The following RAB40B variants were observed in gnomAD, a reference collection of about 807,000 sequenced individuals.
RAB40B encodes RAB40B, member RAS oncogene family, also known as ras-related protein Rab-40B.
Under a neutral mutation model 24.0 loss-of-function variants are expected in RAB40B, and 21 were observed. That is an observed-to-expected ratio of 0.88 (90% CI 0.62 to 1.26). RAB40B has a LOEUF of 1.26. Among genes scored for constraint, RAB40B ranks in the 50% most tolerant of loss-of-function variants. The pLI, the probability that RAB40B is intolerant of heterozygous loss-of-function variation, is 0.00. For synonymous variants in RAB40B, 167 were observed against 169.8 expected (o/e 0.98, Z 0.13); for missense variants, 348 against 390.5 (o/e 0.89, Z 0.92).
intron 1 of RAB40B, among the ~76,000 whole-genome samples, chr17:82,683,805 CAAAAAAAAAA>C (rs35145848): frequency 5.5e-5 from 5 of 90,800 alleles, no homozygotes; most frequent in African/African-American, 1.6e-4. Flanking sequence ...ACCCTGTTTC[CAAAAAAAAAA>C]AAAAAAAAGA....
At chr17:82,689,515 CG>C (rs1311855231) in intron 1 of RAB40B, among the ~76,000 whole-genome samples, 1 of 152,062 alleles carries the variant, frequency 6.6e-6, no homozygotes, top group African/African-American at 2.4e-5. Flanking sequence ...GTCATCAGGG[CG>C]GGGAGAGGAC....
rs1196194530 is a variant in RAB40B, at chr17:82,658,780, G to A, written c.343-67C>T. On this transcript the variant is annotated intron_variant, in intron 4 of 5. Coordinates refer to ENST00000571995, the MANE Select transcript of RAB40B (RefSeq NM_006822.3). The stretch of plus-strand genomic sequence containing the variant: ...TGAGATTTTGTTGTCGTCGTAATGT[G>A]GGTGCTCTGGGTCGAGGAACCCCCC... 18 of 1,421,650 alleles carry A rather than the reference G, an allele frequency of 1.3e-5. No homozygotes were observed. The Admixed American group carries it at 3.4e-4, about 27-fold the overall frequency. The allele number at this position is 1,421,650 out of a possible 1,614,324, so 88.1% of individuals were successfully genotyped here. A position where few individuals can be genotyped will look rare whatever the true frequency, so the allele number is the denominator to read the frequency against.
intron 2 of RAB40B, chr17:82,661,271 C>T (rs1182854537): frequency 2.3e-6 from 3 of 1,323,416 alleles, no homozygotes; most frequent in African/African-American, 3.0e-5. Context: ...AAAAGTCAAA[C>T]TAGAAAAAAT....
Position 82,698,564 on chromosome 17 carries a change from G to C in RAB40B, c.33C>G (p.Tyr11Ter), listed in dbSNP as rs2046637577. 1.3e-6 allele frequency: 2 copies of C among 1,515,748 alleles called. No individual in the cohort carries two copies. The highest frequency in any genetic ancestry group is 2.9e-5 in the African/African-American group (2 of 68,888). The allele number at this position is 1,515,748 out of a possible 1,614,324, so 93.9% of individuals were successfully genotyped here. Residue 11 changes from tyrosine to a stop codon, truncating the protein, a stop_gained, in exon 1 of 6, where the codon TAC (tyrosine) becomes TAG (stop). Coordinates refer to ENST00000571995, the MANE Select transcript of RAB40B (RefSeq NM_006822.3). LOFTEE classifies it high-confidence loss of function. Reference protein sequence around the residue: MSALGSPVRAYDFLLKFLLVG... With the variant: MSALGSPVRA ...CCAGCAGGAACTTGAGCAGAAAGTCGTAGGCCCGGACCGGGCTGCCCAGGG... is the reference window on the plus strand; with the variant it reads ...CCAGCAGGAACTTGAGCAGAAAGTCCTAGGCCCGGACCGGGCTGCCCAGGG...
In RAB40B at chr17:82,657,390, C is replaced by T. The variant is rs542554556; in HGVS notation, c.*473G>A. 3.2e-6 allele frequency: 1 copy of T among 309,324 alleles called. No homozygotes were observed. Among genetic ancestry groups the T allele is most frequent in the Non-Finnish European group, 6.3e-6 (1 of 159,094 alleles). The allele number at this position is 309,324 out of a possible 1,614,324, so 19.2% of individuals were successfully genotyped here. A position where few individuals can be genotyped will look rare whatever the true frequency, so the allele number is the denominator to read the frequency against. On this transcript the variant is annotated 3_prime_UTR_variant, in exon 6 of 6. Transcript: ENST00000571995. ...ACAGATCAGTTGCACATAACCTCTA[C>T]ATCTGCAGCGTTTTATAAATTGGCG...
At position 82,669,430 on chromosome 17, in the gene RAB40B, A is replaced by G. The variant is rs565378061; in HGVS notation, c.143-4874T>C. 6.5e-4 allele frequency among the ~76,000 whole-genome samples: 99 copies of G among 151,414 alleles called. 2 individuals carry two copies. In the South Asian group the frequency reaches 0.019, roughly 30 times the overall value. ...GTGGAGGTTGTGGTGAGCCGAGATC[A>G]CACCATTTCACTCCAGCCTGGGCAA... is the stretch of plus-strand genomic sequence containing the variant. On this transcript the variant is annotated intron_variant, in intron 1 of 5. Coordinates refer to ENST00000571995, the MANE Select transcript of RAB40B (RefSeq NM_006822.3).
intron 1 of RAB40B, among the ~76,000 whole-genome samples, chr17:82,672,186 G>A (rs1167318936): frequency 1.0e-4 from 11 of 107,730 alleles, no homozygotes; most frequent in African/African-American, 1.5e-4. Flanking sequence ...ACACTCACAT[G>A]CTCCCTGTAC....
At chr17:82,672,417 T>TC (rs2046351396) in intron 1 of RAB40B, among the ~76,000 whole-genome samples, 1 of 145,232 alleles carries the variant, frequency 6.9e-6, no homozygotes, top group South Asian at 2.2e-4. Flanking sequence ...ACGCTCCCTG[T>TC]ACAGTTTTGT....
At chr17:82,687,762 G>A (rs1485500861) in intron 1 of RAB40B, among the ~76,000 whole-genome samples, 1 of 152,174 alleles carries the variant, frequency 6.6e-6, no homozygotes, top group Non-Finnish European at 1.5e-5. Flanking sequence ...ATCATGCAGG[G>A]CAGGTGCCTT....
rs903067789 is a variant in RAB40B, at chr17:82,662,222, G to T, written c.204-1175C>A. On this transcript the variant is annotated intron_variant, in intron 2 of 5. Transcript: ENST00000571995. The stretch of plus-strand genomic sequence containing the variant: ...GACACTGGCCATTGCCAAAGCCTAG[G>T]AGTGAGTGCCTCATTTCCTGAGAAG... 19 of 985,370 alleles carry T rather than the reference G, an allele frequency of 1.9e-5. No homozygotes were observed. In the African/African-American group the frequency reaches 3.3e-4, roughly 17 times the overall value. The allele number at this position is 985,370 out of a possible 1,614,324, so 61.0% of individuals were successfully genotyped here.
Position 82,698,477 on chromosome 17 carries a change from C to A in RAB40B, c.120G>T (p.Glu40Asp). The A allele has an allele frequency of 6.7e-7, 1 of 1,486,312 alleles. No homozygotes were observed. The highest frequency in any genetic ancestry group is 9.0e-7 in the Non-Finnish European group (1 of 1,108,952). The allele number at this position is 1,486,312 out of a possible 1,614,324, so 92.1% of individuals were successfully genotyped here. A position where few individuals can be genotyped will look rare whatever the true frequency, so the allele number is the denominator to read the frequency against. The change falls in exon 1 of 6, where the codon GAG (glutamate) becomes GAT (aspartate). Residue 40 changes from glutamate (E) to aspartate (D), a missense_variant. Physicochemically the swap from Glu to Asp is conservative, Grantham distance 45. Around this residue, in one of 3 missense-constraint regions of RAB40B, gnomAD observed 101 missense variants for 85.5 expected, o/e 1.18. Transcript: ENST00000571995. ...CACCCGCCGGGTGGCCGTACGGGGA[C>A]TCGGCCGCGCCATCCTGCAGGCTCG... ...ILASLQDGAAESPYGHPAGID... is the reference protein window; with the variant it reads ...ILASLQDGAADSPYGHPAGID...
intron 1 of RAB40B, chr17:82,696,481 G>T (rs1210916628): frequency 1.3e-5 from 2 of 155,242 alleles, no homozygotes; most frequent in African/African-American, 2.4e-5. Flanking sequence ...CACGTTGTTG[G>T]GTGCTTTATT....
At chr17:82,677,001 T>C (rs1304179660) in intron 1 of RAB40B, among the ~76,000 whole-genome samples, 1 of 150,848 alleles carries the variant, frequency 6.6e-6, no homozygotes, top group Admixed American at 6.6e-5. Context: ...CAGGCTGGAG[T>C]GCAGTGGCAC....
At position 82,667,908 on chromosome 17, in the gene RAB40B, C is replaced by T. The variant is rs757641492; in HGVS notation, c.143-3352G>A. Among the ~76,000 whole-genome samples, 2 of 152,132 alleles carry T rather than the reference C, an allele frequency of 1.3e-5. No homozygotes were observed. The highest frequency in any genetic ancestry group is 2.4e-5 in the African/African-American group (1 of 41,434). Reference sequence around the variant, plus strand: ...AGCCCAGCAGGCACGCTGAGTGCACCGTCTGTCTCTCTCTTCTTGGCATGG... The same window carrying T: ...AGCCCAGCAGGCACGCTGAGTGCACTGTCTGTCTCTCTCTTCTTGGCATGG... On this transcript the variant is annotated intron_variant, in intron 1 of 5. Coordinates refer to ENST00000571995, the MANE Select transcript of RAB40B (RefSeq NM_006822.3). The surrounding 1 kb of genome is among the most constrained non-coding windows in gnomAD (Gnocchi z 4.3).
At chr17:82,681,628 A>T (rs563251229) in intron 1 of RAB40B, among the ~76,000 whole-genome samples, 1 of 152,202 alleles carries the variant, frequency 6.6e-6, no homozygotes, top group Non-Finnish European at 1.5e-5. Flanking sequence ...CTATACAATA[A>T]ATTAAAAGTA....
intron 1 of RAB40B, among the ~76,000 whole-genome samples, chr17:82,671,891 A>G (rs1402469905): frequency 4.0e-4 from 1 of 2,484 alleles, no homozygotes. Flanking sequence ...CCACTGACAC[A>G]CCCCACCCCT....
At chr17:82,690,477 T>G (rs1191215728) in intron 1 of RAB40B, among the ~76,000 whole-genome samples, 1 of 134,540 alleles carries the variant, frequency 7.4e-6, no homozygotes, top group Non-Finnish European at 1.6e-5. Context: ...GCATGGAGTG[T>G]GCACGTGTGT....
Position 82,658,481 on chromosome 17 carries a change from C to T in RAB40B, c.565+10G>A. On this transcript the variant is annotated intron_variant, in intron 5 of 5. Transcript: ENST00000571995. ...GCAGAGGTGGCCCCCGGAATAGCCCCTGGGCCTACCCTTGCTCGGCCGCCA... is the reference window on the plus strand; with the variant it reads ...GCAGAGGTGGCCCCCGGAATAGCCCTTGGGCCTACCCTTGCTCGGCCGCCA... The T allele has an allele frequency of 6.2e-7, 1 of 1,611,132 alleles. No homozygotes were observed. The highest frequency in any genetic ancestry group is 2.2e-5 in the East Asian group (1 of 44,874).
intron 1 of RAB40B, among the ~76,000 whole-genome samples, chr17:82,680,845 C>A (rs572217462): frequency 1.2e-3 from 176 of 151,978 alleles, no homozygotes; most frequent in Non-Finnish European, 1.9e-3. Context: ...GCCTGGATAA[C>A]ATGGTGAAAC....
Sources: allele counts gnomAD v4.1 joint callset (sites outside exome capture counted in the v4.1 genomes callset), GRCh38; gene constraint gnomAD v4.1.1; regional missense constraint gnomAD v4.1.1; non-coding constraint Gnocchi (gnomAD v3.1); transcripts MANE v1.5; gene names NCBI Gene and HGNC (gene_info 2026-07-23, HGNC 2026-07-21).